BBS12: variants seen among roughly 807,000 people sequenced by gnomAD.
BBS12 encodes chaperonin-containing T-complex member BBS12.
A neutral mutation model predicts 5.6 loss-of-function variants in BBS12; 5 were observed. The observed-to-expected ratio is 0.89, with a 90% confidence interval of 0.46 to 1.86. The LOEUF is 1.86. Among genes scored for constraint, BBS12 ranks in the 40% most tolerant of loss-of-function variants. The pLI is 0.01. For missense variants in BBS12, 748 were observed against 830.4 expected, an observed-to-expected ratio of 0.90 and a Z score of 1.22; for synonymous variants, 308 against 306.8, an observed-to-expected ratio of 1.00 and a Z score of -0.04.
the BBS12 span, among the ~76,000 whole-genome samples, chr4:122,714,259 C>G: frequency 1.7e-4 from 26 of 152,236 alleles, no homozygotes; most frequent in South Asian, 3.3e-3. Context: ...TCACCAGAAC[C>G]CTGTTATCCT....
intron 1 of BBS12, among the ~76,000 whole-genome samples, chr4:122,740,362 C>T (rs563039508): frequency 5.3e-5 from 8 of 152,280 alleles, no homozygotes; most frequent in South Asian, 4.1e-4. Context: ...GAAAGACTGA[C>T]GAAAGCTATG....
the BBS12 span, among the ~76,000 whole-genome samples, chr4:122,712,957 A>C: frequency 1.3e-5 from 2 of 152,186 alleles, no homozygotes; most frequent in Non-Finnish European, 2.9e-5. Context: ...TACTTGGGCA[A>C]CTGCATATGT....
the BBS12 span, among the ~76,000 whole-genome samples, chr4:122,705,691 G>C: frequency 6.6e-6 from 1 of 152,300 alleles, no homozygotes; most frequent in African/African-American, 2.4e-5. Context: ...GTAGAACTCT[G>C]AGAGGACCAT....
At chr4:122,704,603 GT>G in the BBS12 span, among the ~76,000 whole-genome samples, 2 of 152,136 alleles carry the variant, frequency 1.3e-5, no homozygotes, top group African/African-American at 2.4e-5. Flanking sequence ...TTCTAAGCTA[GT>G]TCACCATTTT....
rs1252332907 is a variant in BBS12, at chr4:122,744,616, C to T, written c.*591C>T. ...TCTCTTCCAACAGTCTGCTCCTCAG[C>T]CTGAGATGTTCTTGGCCAAACTTGA... On this transcript the variant is annotated 3_prime_UTR_variant, in exon 2 of 2. Transcript: ENST00000314218. 1 of 167,272 alleles carries T rather than the reference C, an allele frequency of 6.0e-6. No individual in the cohort carries two copies. The highest frequency in any genetic ancestry group is 1.9e-4 in the East Asian group (1 of 5,212). 10.4% of individuals were successfully genotyped at this position (167,272 alleles called of 1,614,324 possible). A position where few individuals can be genotyped will look rare whatever the true frequency, so the allele number is the denominator to read the frequency against.
At chr4:122,718,123 G>T in the BBS12 span, among the ~76,000 whole-genome samples, 1 of 152,210 alleles carries the variant, frequency 6.6e-6, no homozygotes, top group Non-Finnish European at 1.5e-5. Context: ...AGGTAGAACA[G>T]TGCATAAAAC....
Position 122,743,901 on chromosome 4 carries a change from T to C in BBS12, c.2009T>C (p.Ile670Thr). The C allele has an allele frequency of 1.2e-6, 2 of 1,605,320 alleles. No individual in the cohort carries two copies. The highest frequency in any genetic ancestry group is 1.7e-6 in the Non-Finnish European group (2 of 1,176,008). ...PRVYDVVTPK[I>T]EAWRRALDLV... is the part of the protein sequence containing the mutation. ...GTTTATGACGTTGTTACACCAAAGA[T>C]TGAGGCGTGGCGCCGAGCATTGGAT... The change falls in exon 2 of 2, where the codon ATT becomes ACT. Residue 670 changes from isoleucine to threonine, a missense_variant. Transcript: ENST00000314218.
chr4:122,716,554 CACATATGTATATATAA>C, the BBS12 span, among the ~76,000 whole-genome samples: 2 of 148,546 alleles, frequency 1.3e-5, no homozygotes, highest in Non-Finnish European at 1.5e-5. Context: ...TGTATATATA[CACATATGTATATATAA>C]ACATATGTAT....
chr4:122,738,745 T>A (rs1328114634), intron 1 of BBS12, among the ~76,000 whole-genome samples: 2 of 152,086 alleles, frequency 1.3e-5, no homozygotes, highest in African/African-American at 4.8e-5. Context: ...AAATGGCCAA[T>A]GCACATGAAA....
chr4:122,719,070 C>T, the BBS12 span, among the ~76,000 whole-genome samples: 4 of 152,196 alleles, frequency 2.6e-5, no homozygotes, highest in Non-Finnish European at 4.4e-5. Flanking sequence ...CCGCCCACCT[C>T]AGCCTCCCAA....
the BBS12 span, among the ~76,000 whole-genome samples, chr4:122,721,687 T>A: frequency 1.3e-5 from 2 of 152,204 alleles, no homozygotes; most frequent in African/African-American, 2.4e-5. Flanking sequence ...CACCAAAATG[T>A]GGTCTTTCTA....
chr4:122,723,627 C>T, the BBS12 span, among the ~76,000 whole-genome samples: 3 of 152,172 alleles, frequency 2.0e-5, no homozygotes, highest in Non-Finnish European at 4.4e-5. Flanking sequence ...TAAATTTTCC[C>T]CACTTCTGAT....
At chr4:122,722,271 C>T in the BBS12 span, among the ~76,000 whole-genome samples, 5 of 152,162 alleles carry the variant, frequency 3.3e-5, no homozygotes, top group South Asian at 2.1e-4. Flanking sequence ...TCTATTCCAC[C>T]GGTCCACTAG....
the BBS12 span, among the ~76,000 whole-genome samples, chr4:122,716,736 C>CGT: frequency 0.015 from 800 of 52,152 alleles, 123 homozygotes; most frequent in Middle Eastern, 0.023. Flanking sequence ...TACACACACA[C>CGT]GTGTGTGTGT....
chr4:122,714,924 A>G, the BBS12 span, among the ~76,000 whole-genome samples: 1 of 152,122 alleles, frequency 6.6e-6, no homozygotes, highest in African/African-American at 2.4e-5. Context: ...ATACATGTCT[A>G]TCATGTTTTA....
chr4:122,741,867 T>G lies in BBS12; in HGVS notation c.-10-16T>G. The G allele has an allele frequency of 6.2e-7, 1 of 1,604,052 alleles. No homozygotes were observed. Among genetic ancestry groups the G allele is most frequent in the Non-Finnish European group, 8.5e-7 (1 of 1,171,154 alleles). ...ATTATACTGAATAAAGTTACAAGTT[T>G]TTATTTTGTTTGCAGATCATGATAC... On this transcript the variant is annotated splice_polypyrimidine_tract_variant and intron_variant, in intron 1 of 1. Transcript: ENST00000314218.
chr4:122,716,691 G>GTATGTGTGTGTATACATACACA, the BBS12 span, among the ~76,000 whole-genome samples: 1 of 76,296 alleles, frequency 1.3e-5, no homozygotes, highest in South Asian at 4.8e-4. Flanking sequence ...ACACATATGT[G>GTATGTGTGTGTATACATACACA]TATGTGTGTG....
Position 122,744,638 on chromosome 4 carries a change from T to C in BBS12, c.*613T>C, listed in dbSNP as rs74451613. The C allele has an allele frequency of 0.032, 5,372 of 167,404 alleles. 179 individuals are homozygous for C. Among genetic ancestry groups the C allele is most frequent in the African/African-American group, 0.084 (3,480 of 41,570 alleles). The allele number at this position is 167,404 out of a possible 1,614,324, so 10.4% of individuals were successfully genotyped here. ...CAGCCTGAGATGTTCTTGGCCAAAC[T>C]TGAATTTTCACATGAGTATGCCACT... is the stretch of plus-strand genomic sequence containing the variant. On this transcript the variant is annotated 3_prime_UTR_variant, in exon 2 of 2. Coordinates refer to ENST00000314218, the MANE Select transcript of BBS12 (RefSeq NM_152618.3).
chr4:122,737,907 C>T (rs191088244), intron 1 of BBS12, among the ~76,000 whole-genome samples: 1 of 152,294 alleles, frequency 6.6e-6, no homozygotes, highest in East Asian at 1.9e-4. Context: ...GATGCTAAGG[C>T]CACTCCATGG....
Sources: gnomAD v4.1 joint callset for allele counts (sites outside exome capture counted in the v4.1 genomes callset) on GRCh38, gnomAD v4.1.1 for gene constraint, MANE v1.5 for transcripts, NCBI Gene and HGNC (gene_info 2026-07-23, HGNC 2026-07-21) for gene names.